The following MAN1A2 variants were observed in gnomAD, a reference collection of about 807,000 sequenced individuals.
The protein encoded by MAN1A2 is mannosidase alpha class 1A member 2.
A neutral mutation model predicts 75.7 loss-of-function variants in MAN1A2; 26 were observed. That is an observed-to-expected ratio of 0.34 (90% confidence interval 0.25 to 0.48). The LOEUF is 0.48. Among genes scored for constraint, MAN1A2 ranks in the 20% least tolerant of loss-of-function variants. MAN1A2 has a pLI of 0.99. For synonymous variants in MAN1A2, 247 were observed against 264.6 expected, an observed-to-expected ratio of 0.93 and a Z score of 0.65; for missense variants, 562 against 775.5, an observed-to-expected ratio of 0.72 and a Z score of 3.27.
chr1:117,402,529 G>C (rs1647473892), intron 2 of MAN1A2, 88 bp downstream of exon 2: 1 of 1,292,062 alleles, frequency 7.7e-7, no homozygotes, highest in African/African-American at 1.5e-5. Flanking sequence ...ATCCTGTTTT[G>C]ATCTGTTTAT....
intron 2 of MAN1A2, among the ~76,000 whole-genome samples, chr1:117,404,086 G>A (rs1318885344): frequency 6.6e-6 from 1 of 152,138 alleles, no homozygotes; most frequent in South Asian, 2.1e-4. Context: ...TTTTTTGGAT[G>A]TTAAATTAGT....
At chr1:117,392,784 A>C (rs1347448578) in intron 1 of MAN1A2, among the ~76,000 whole-genome samples, 2 of 152,240 alleles carry the variant, frequency 1.3e-5, no homozygotes, top group African/African-American at 4.8e-5. Context: ...AACTAGAGAC[A>C]GTAAGTTTGT....
chr1:117,400,284 CTCT>C (rs1647378769), intron 1 of MAN1A2, among the ~76,000 whole-genome samples: 1 of 151,866 alleles, frequency 6.6e-6, no homozygotes, highest in African/African-American at 2.4e-5. Context: ...CCCTTTCTCT[CTCT>C]TGTTTCTCTT....
At chr1:117,479,220 G>T (rs1650415494) in intron 8 of MAN1A2, among the ~76,000 whole-genome samples, 2 of 151,832 alleles carry the variant, frequency 1.3e-5, no homozygotes, top group African/African-American at 4.8e-5. Context: ...TTCCTGTATA[G>T]TTTGCTGAGG....
intron 8 of MAN1A2, among the ~76,000 whole-genome samples, chr1:117,473,313 G>T (rs924003565): frequency 2.6e-5 from 4 of 151,864 alleles, no homozygotes; most frequent in African/African-American, 7.3e-5. Flanking sequence ...TTTGAAATAT[G>T]TCTAGAATTC....
At chr1:117,452,887 T>G (rs1365237584) in intron 6 of MAN1A2, among the ~76,000 whole-genome samples, 1 of 152,216 alleles carries the variant, frequency 6.6e-6, no homozygotes. Flanking sequence ...GAGAAGTCAA[T>G]GCTTGGCTTT....
chr1:117,429,960 G>A (rs1481366537), intron 5 of MAN1A2, among the ~76,000 whole-genome samples: 1 of 76,960 alleles, frequency 1.3e-5, no homozygotes, highest in South Asian at 5.5e-4. Flanking sequence ...ACCTCCAGAC[G>A]GGGCGGCTGG....
At chr1:117,443,230 A>G (rs1047750952) in intron 6 of MAN1A2, among the ~76,000 whole-genome samples, 1 of 152,176 alleles carries the variant, frequency 6.6e-6, no homozygotes, top group African/African-American at 2.4e-5. Context: ...AATTTTTCTA[A>G]TTGAAGAACT....
intron 6 of MAN1A2, among the ~76,000 whole-genome samples, chr1:117,450,197 C>G (rs1649360730): frequency 6.6e-6 from 1 of 152,204 alleles, no homozygotes. Context: ...AAACGAGGAA[C>G]TTCTTGGGAA....
intron 8 of MAN1A2, among the ~76,000 whole-genome samples, chr1:117,478,853 A>G (rs1456283494): frequency 1.3e-5 from 2 of 151,804 alleles, no homozygotes; most frequent in Non-Finnish European, 2.9e-5. Flanking sequence ...TAGCCTTCCA[A>G]ATTTGTTCTT....
At chr1:117,385,649 A>G (rs1653498209) in intron 1 of MAN1A2, among the ~76,000 whole-genome samples, 1 of 151,798 alleles carries the variant, frequency 6.6e-6, no homozygotes, top group Admixed American at 6.6e-5. Context: ...TTCCCAGAAT[A>G]CTTTTCCATT....
chr1:117,386,623 G>A (rs560658574), intron 1 of MAN1A2, among the ~76,000 whole-genome samples: 9 of 140,578 alleles, frequency 6.4e-5, no homozygotes, highest in Admixed American at 2.9e-4. Context: ...TTCTCATTTC[G>A]TTGCTTTGCT....
intron 5 of MAN1A2, among the ~76,000 whole-genome samples, chr1:117,428,263 C>T (rs6659766): frequency 0.14 from 21,474 of 151,690 alleles, 1,733 homozygotes; most frequent in South Asian, 0.22. Context: ...CACAGGTGCA[C>T]GCCACCATGC....
chr1:117,391,887 T>G (rs1283872126), intron 1 of MAN1A2, among the ~76,000 whole-genome samples: 1 of 152,224 alleles, frequency 6.6e-6, no homozygotes, highest in East Asian at 1.9e-4. Flanking sequence ...CTATTATTGT[T>G]AATTAATTCC....
Position 117,493,216 on chromosome 1 carries a change from A to T in MAN1A2, c.1238A>T (p.Asp413Val). ...EYLLKAWLMS[D>V]KTDHEARKMY... ...TTACTGAAAGCATGGTTGATGTCAG[A>T]TAAAACAGACCATGAGGCAAGAAAG... The change falls in exon 9 of 13, where the codon GAT becomes GTT. Residue 413 changes from aspartate to valine, a missense_variant. By Grantham distance (152) the Asp-to-Val change is radical. This residue lies in a region of MAN1A2 where 434 missense variants were observed against 645.7 expected (regional missense o/e 0.67). Transcript: ENST00000356554. The T allele has an allele frequency of 6.2e-7, 1 of 1,612,434 alleles. No individual in the cohort carries two copies. The highest frequency in any genetic ancestry group is 8.5e-7 in the Non-Finnish European group (1 of 1,179,028).
At chr1:117,502,751 A>G (rs755022748) in intron 11 of MAN1A2, 104 bp from the exon 12 acceptor site, 2 of 661,406 alleles carry the variant, frequency 3.0e-6, no homozygotes, top group Non-Finnish European at 5.4e-6. Context: ...TCAAATTTTC[A>G]TACAAATCTT....
chr1:117,402,533 T>C (rs975454940), intron 2 of MAN1A2, 92 bp downstream of exon 2: 4 of 1,234,568 alleles, frequency 3.2e-6, no homozygotes, highest in Middle Eastern at 2.0e-4. Context: ...TGTTTTGATC[T>C]GTTTATTCTT....
At chr1:117,490,259 G>A (rs753176848) in intron 8 of MAN1A2, among the ~76,000 whole-genome samples, 22 of 152,078 alleles carry the variant, frequency 1.4e-4, no homozygotes, top group Admixed American at 1.1e-3. Flanking sequence ...AAATCCGTCA[G>A]CATCATTTTT....
At chr1:117,419,167 AT>A (rs1424614076) in intron 4 of MAN1A2, among the ~76,000 whole-genome samples, 1 of 55,480 alleles carries the variant, frequency 1.8e-5, no homozygotes, top group African/African-American at 1.3e-4. Flanking sequence ...CTTATTGGTC[AT>A]TTTACTCTTG....
Sources: gnomAD v4.1 joint callset for allele counts (sites outside exome capture counted in the v4.1 genomes callset) on GRCh38, gnomAD v4.1.1 for gene constraint, gnomAD v4.1.1 regional missense constraint, MANE v1.5 for transcripts, NCBI Gene and HGNC (gene_info 2026-07-23, HGNC 2026-07-21) for gene names.